Variants in CLASP1 observed in about 807,000 individuals in gnomAD.
CLASP1 encodes the protein cytoplasmic linker associated protein 1.
In CLASP1, 38 loss-of-function variants were observed where a neutral mutation model predicts 192.3. The ratio of observed to expected loss-of-function variants is 0.20; its 90% CI spans 0.15 to 0.26. The LOEUF (loss-of-function observed/expected upper bound fraction) is 0.26, where lower values mean the gene tolerates loss of function less well. Among genes scored for constraint, CLASP1 ranks in the 10% least tolerant of loss-of-function variants. The pLI is 1.00. For missense variants in CLASP1, 1,433 were observed against 1,932.5 expected (o/e 0.74, Z 4.85); for synonymous variants, 691 against 712.8 (o/e 0.97, Z 0.49).
intron 14 of CLASP1, among the ~76,000 whole-genome samples, chr2:121,453,526 T>TAC (rs939361640): frequency 2.0e-5 from 3 of 151,844 alleles, no homozygotes; most frequent in East Asian, 1.9e-4. Flanking sequence ...AGACACCAAC[T>TAC]ACACACACAC....
chr2:121,464,670 C>T (rs1180224024), intron 9 of CLASP1, among the ~76,000 whole-genome samples: 1 of 152,122 alleles, frequency 6.6e-6, no homozygotes, highest in Non-Finnish European at 1.5e-5. Context: ...TGTTCATGTC[C>T]TTCACCCACT....
intron 34 of CLASP1, among the ~76,000 whole-genome samples, chr2:121,373,263 C>T (rs1028191661): frequency 2.0e-5 from 3 of 152,166 alleles, no homozygotes; most frequent in Non-Finnish European, 4.4e-5. Flanking sequence ...GACATACTTG[C>T]TTCCCCTTTG....
intron 2 of CLASP1, among the ~76,000 whole-genome samples, chr2:121,556,122 T>C (rs1216895165): frequency 6.7e-6 from 1 of 148,436 alleles, no homozygotes; most frequent in African/African-American, 2.5e-5. Flanking sequence ...TAGCTGGAAT[T>C]ACAGGCACAC....
intron 2 of CLASP1, among the ~76,000 whole-genome samples, chr2:121,572,790 T>C (rs2060101856): frequency 6.6e-6 from 1 of 152,082 alleles, no homozygotes; most frequent in Admixed American, 6.6e-5. Context: ...AGACTTCCAT[T>C]GATGGTGACT....
At chr2:121,415,708 T>C (rs1048443988) in intron 23 of CLASP1, among the ~76,000 whole-genome samples, 1 of 152,200 alleles carries the variant, frequency 6.6e-6, no homozygotes, top group Non-Finnish European at 1.5e-5. Flanking sequence ...AGAAAATTTA[T>C]AGGTTTAACA....
At chr2:121,361,912 G>A (rs2066483733) in intron 37 of CLASP1, among the ~76,000 whole-genome samples, 1 of 152,214 alleles carries the variant, frequency 6.6e-6, no homozygotes, top group Admixed American at 6.5e-5. Context: ...TGCTGTTCTA[G>A]GACTAGCAGG....
At chr2:121,373,896 TAA>T (rs748222616) in intron 34 of CLASP1, among the ~76,000 whole-genome samples, 1 of 152,212 alleles carries the variant, frequency 6.6e-6, no homozygotes, top group Non-Finnish European at 1.5e-5. Context: ...AAGCAGAGTG[TAA>T]AAGTTTGGAA....
chr2:121,393,275 A>G (rs1017343592), intron 30 of CLASP1, among the ~76,000 whole-genome samples: 9 of 152,184 alleles, frequency 5.9e-5, no homozygotes, highest in African/African-American at 2.2e-4. Flanking sequence ...TAAAAAAATT[A>G]AAGCAGGACA....
Position 121,558,609 on chromosome 2 carries a change from G to A in CLASP1, c.196-28284C>T, listed in dbSNP as rs147964464. On this transcript the variant is annotated intron_variant, in intron 2 of 39. Transcript: ENST00000263710. ...ACCATGTAATAACCCGCACCACCTC[G>A]GGACTCTGCAGAAAATGCCCACCAG... 2.2e-3 allele frequency among the ~76,000 whole-genome samples: 330 copies of A among 152,232 alleles called. 1 individual carries two copies. Among genetic ancestry groups the A allele is most frequent in the African/African-American group, 7.4e-3 (309 of 41,542 alleles).
chr2:121,614,437 G>C (rs1212402907), intron 1 of CLASP1, among the ~76,000 whole-genome samples: 1 of 152,178 alleles, frequency 6.6e-6, no homozygotes. Flanking sequence ...CAGAGTTTGT[G>C]GTGAGCTGAG....
intron 8 of CLASP1, among the ~76,000 whole-genome samples, chr2:121,489,984 GC>G (rs2093212463): frequency 6.6e-6 from 1 of 152,108 alleles, no homozygotes; most frequent in Admixed American, 6.6e-5. Flanking sequence ...GTGAACATAA[GC>G]AGAGAAAAAT....
At chr2:121,351,040 G>A (rs1006663351) in intron 37 of CLASP1, among the ~76,000 whole-genome samples, 1 of 152,160 alleles carries the variant, frequency 6.6e-6, no homozygotes, top group Non-Finnish European at 1.5e-5. Flanking sequence ...CCTGGCTCAG[G>A]GTGGAAGGTG....
At chr2:121,345,583 G>T (rs2149105545) in intron 39 of CLASP1, among the ~76,000 whole-genome samples, 1 of 152,304 alleles carries the variant, frequency 6.6e-6, no homozygotes, top group South Asian at 2.1e-4. Context: ...GGAGAGCTGG[G>T]GGGACTTTTG....
chr2:121,392,479 T>C (rs150589412), intron 30 of CLASP1, among the ~76,000 whole-genome samples: 51 of 152,348 alleles, frequency 3.3e-4, no homozygotes, highest in African/African-American at 1.1e-3. Flanking sequence ...GTGTTATTTA[T>C]GTATAGAGAT....
At chr2:121,643,896 C>T (rs191529832) in intron 1 of CLASP1, among the ~76,000 whole-genome samples, 2,116 of 152,288 alleles carry the variant, frequency 0.014, 54 homozygotes, top group African/African-American at 0.048. Context: ...ACTGTGGCTA[C>T]CCAGGTCCCC....
intron 1 of CLASP1, among the ~76,000 whole-genome samples, chr2:121,619,962 C>G (rs2067057415): frequency 6.6e-6 from 1 of 152,116 alleles, no homozygotes; most frequent in African/African-American, 2.4e-5. Flanking sequence ...TGGCTTAGAT[C>G]TGTAATCCCA....
At chr2:121,577,476 T>C (rs1042692473) in intron 2 of CLASP1, among the ~76,000 whole-genome samples, 1 of 152,144 alleles carries the variant, frequency 6.6e-6, no homozygotes, top group Admixed American at 6.5e-5. Context: ...AAACAGGCTA[T>C]AGAATAGCAT....
At chr2:121,591,406 C>T (rs2062385106) in intron 2 of CLASP1, among the ~76,000 whole-genome samples, 1 of 152,154 alleles carries the variant, frequency 6.6e-6, no homozygotes, top group Admixed American at 6.5e-5. Flanking sequence ...GCTTCTCCCT[C>T]ACTTCCTCTT....
At chr2:121,636,914 T>C (rs1045811875) in intron 1 of CLASP1, among the ~76,000 whole-genome samples, 4 of 152,154 alleles carry the variant, frequency 2.6e-5, no homozygotes, top group Non-Finnish European at 5.9e-5. Context: ...TTAAGAACGA[T>C]TTTCTGCAAC....
Sources: gnomAD v4.1 joint callset for allele counts (sites outside exome capture counted in the v4.1 genomes callset) on GRCh38, gnomAD v4.1.1 for gene constraint, MANE v1.5 for transcripts, NCBI Gene and HGNC (gene_info 2026-07-23, HGNC 2026-07-21) for gene names.